The following LHFPL6 variants were observed in gnomAD, a reference collection of about 807,000 sequenced individuals.
LHFPL6 encodes LHFPL tetraspan subfamily member 6 protein.
In LHFPL6, 9 loss-of-function variants were observed where a neutral mutation model predicts 20.6. The observed-to-expected ratio is 0.44, with a 90% CI of 0.26 to 0.76. The LOEUF (loss-of-function observed/expected upper bound fraction) is 0.76. Among genes scored for constraint, LHFPL6 ranks in the 30% least tolerant of loss-of-function variants. The probability of loss-of-function intolerance (pLI) is 0.20; values close to 1 mark genes in which losing one functional copy is unlikely to be tolerated. For synonymous variants in LHFPL6, 105 were observed against 98.7 expected, an observed-to-expected ratio of 1.06 and a Z score of -0.38; for missense variants, 218 against 253.5, an observed-to-expected ratio of 0.86 and a Z score of 0.95.
chr13:39,558,487 T>C (rs1285633312), intron 2 of LHFPL6, among the ~76,000 whole-genome samples: 1 of 152,216 alleles, frequency 6.6e-6, no homozygotes, highest in African/African-American at 2.4e-5. Flanking sequence ...GCTTCTTTAT[T>C]TTTCATCATT....
At chr13:39,405,084 A>C (rs1871086603) in intron 2 of LHFPL6, among the ~76,000 whole-genome samples, 1 of 152,228 alleles carries the variant, frequency 6.6e-6, no homozygotes, top group African/African-American at 2.4e-5. Flanking sequence ...ATAATGCAGA[A>C]TATACAAAAA....
chr13:39,561,911 A>C, intron 2 of LHFPL6, among the ~76,000 whole-genome samples: 1 of 152,220 alleles, frequency 6.6e-6, no homozygotes, highest in East Asian at 1.9e-4. Context: ...TATGTAATAG[A>C]TGAGAAAACT....
intron 2 of LHFPL6, among the ~76,000 whole-genome samples, chr13:39,436,949 T>A (rs183042773): frequency 6.6e-6 from 1 of 152,216 alleles, no homozygotes; most frequent in East Asian, 1.9e-4. Context: ...TCAACAGACC[T>A]GTGATGAAAT....
intron 2 of LHFPL6, among the ~76,000 whole-genome samples, chr13:39,409,636 C>T (rs572123725): frequency 1.3e-5 from 2 of 152,062 alleles, no homozygotes; most frequent in African/African-American, 4.8e-5. Flanking sequence ...CCACAGTACA[C>T]AAATTTGACA....
intron 2 of LHFPL6, among the ~76,000 whole-genome samples, chr13:39,413,580 G>A (rs973802906): frequency 1.6e-4 from 10 of 62,536 alleles, no homozygotes; most frequent in South Asian, 8.5e-4. Flanking sequence ...CATCACAACC[G>A]ACTAGTTTTT....
At chr13:39,418,537 A>T (rs1377850237) in intron 2 of LHFPL6, among the ~76,000 whole-genome samples, 1 of 152,152 alleles carries the variant, frequency 6.6e-6, no homozygotes, top group Non-Finnish European at 1.5e-5. Context: ...GTCTGGGGGA[A>T]GTAAAAGCTG....
chr13:39,443,183 T>G (rs764762983), intron 2 of LHFPL6, among the ~76,000 whole-genome samples: 1 of 151,874 alleles, frequency 6.6e-6, no homozygotes, highest in Non-Finnish European at 1.5e-5. Context: ...ATTGCAGGAG[T>G]TGGTTCATGA....
intron 2 of LHFPL6, among the ~76,000 whole-genome samples, chr13:39,582,911 T>C (rs775838619): frequency 6.6e-6 from 1 of 152,132 alleles, no homozygotes; most frequent in Admixed American, 6.6e-5. Context: ...AGCTGCAAAA[T>C]TGAACTGGGT....
At chr13:39,365,097 G>A (rs1869976556) in intron 3 of LHFPL6, among the ~76,000 whole-genome samples, 1 of 152,134 alleles carries the variant, frequency 6.6e-6, no homozygotes, top group South Asian at 2.1e-4. Context: ...GTCTGTAGCT[G>A]CTATTTATAA....
At chr13:39,548,911 T>G (rs1871063350) in intron 2 of LHFPL6, among the ~76,000 whole-genome samples, 1 of 152,038 alleles carries the variant, frequency 6.6e-6, no homozygotes, top group Non-Finnish European at 1.5e-5. Context: ...ATTGATAACT[T>G]AGACTTGATC....
chr13:39,400,995 C>G (rs1345392854), intron 2 of LHFPL6, among the ~76,000 whole-genome samples: 1 of 151,916 alleles, frequency 6.6e-6, no homozygotes, highest in Non-Finnish European at 1.5e-5. Context: ...ATAATTGAAA[C>G]CATAGAGCAA....
At chr13:39,383,100 A>C (rs1007631616) in intron 2 of LHFPL6, among the ~76,000 whole-genome samples, 5 of 152,148 alleles carry the variant, frequency 3.3e-5, no homozygotes, top group Non-Finnish European at 5.9e-5. Flanking sequence ...ATATGCAACA[A>C]ATGTTTATTA....
intron 2 of LHFPL6, among the ~76,000 whole-genome samples, chr13:39,444,235 A>G (rs74044061): frequency 7.7e-4 from 118 of 152,322 alleles, no homozygotes; most frequent in African/African-American, 2.7e-3. Context: ...TTACAGTAAA[A>G]TGAAGGAAGA....
chr13:39,570,570 A>G (rs72623305), intron 2 of LHFPL6, among the ~76,000 whole-genome samples: 13,409 of 150,618 alleles, frequency 0.089, 699 homozygotes, highest in East Asian at 0.23. Flanking sequence ...ATAATCTTAT[A>G]TAATACAATA....
intron 2 of LHFPL6, among the ~76,000 whole-genome samples, chr13:39,560,223 C>T (rs955251917): frequency 7.9e-5 from 12 of 152,212 alleles, no homozygotes; most frequent in Non-Finnish European, 1.8e-4. Flanking sequence ...TGTAGTGCTT[C>T]AATGAATTAA....
At chr13:39,457,822 A>G (rs1872605971) in intron 2 of LHFPL6, among the ~76,000 whole-genome samples, 1 of 152,216 alleles carries the variant, frequency 6.6e-6, no homozygotes, top group African/African-American at 2.4e-5. Context: ...TTAATAATAA[A>G]TAAAAGTAAA....
chr13:39,413,106 C>G (rs1013383045), intron 2 of LHFPL6, among the ~76,000 whole-genome samples: 2 of 152,128 alleles, frequency 1.3e-5, no homozygotes, highest in African/African-American at 4.8e-5. Context: ...AGACATAATA[C>G]AAAGTAGTAC....
intron 2 of LHFPL6, among the ~76,000 whole-genome samples, chr13:39,560,490 G>A (rs1169193977): frequency 6.9e-6 from 1 of 144,448 alleles, no homozygotes; most frequent in African/African-American, 2.5e-5. Context: ...TCTCCTTTGG[G>A]TTATGCAAAT....
At chr13:39,527,666 G>C (rs1870336629) in intron 2 of LHFPL6, among the ~76,000 whole-genome samples, 1 of 151,914 alleles carries the variant, frequency 6.6e-6, no homozygotes, top group Admixed American at 6.6e-5. Flanking sequence ...AGCTTTTATA[G>C]TACCTGGGCT....
Sources: gnomAD v4.1 joint callset for allele counts (sites outside exome capture counted in the v4.1 genomes callset) on GRCh38, gnomAD v4.1.1 for gene constraint, MANE v1.5 for transcripts, NCBI Gene and HGNC (gene_info 2026-07-23, HGNC 2026-07-21) for gene names.